Variants in ULK4 observed in about 807,000 individuals in gnomAD.
The protein encoded by ULK4 is unc-51 like kinase 4, also known as inactive serine/threonine-protein kinase ULK4.
Under a neutral mutation model 160.6 loss-of-function variants are expected in ULK4, and 133 were observed. That is an observed-to-expected ratio of 0.83 (90% CI 0.72 to 0.96). The LOEUF (loss-of-function observed/expected upper bound fraction) is 0.96. Ranked by LOEUF, ULK4 falls within the 40% of genes least tolerant of loss-of-function variation. ULK4 has a pLI of 0.00. For missense variants in ULK4, 1,580 were observed against 1,499.5 expected, an observed-to-expected ratio of 1.05 and a Z score of -0.89; for synonymous variants, 534 against 539.8, an observed-to-expected ratio of 0.99 and a Z score of 0.15.
intron 1 of ULK4, among the ~76,000 whole-genome samples, chr3:41,960,035 A>C (rs1385867106): frequency 9.5e-6 from 1 of 105,492 alleles, no homozygotes; most frequent in Non-Finnish European, 2.1e-5. Context: ...AAAATTAAGT[A>C]AAATCTTGAT....
chr3:41,249,684 G>C lies in ULK4; in HGVS notation c.3679-110C>G. On this transcript the variant is annotated intron_variant, in intron 35 of 36. Coordinates refer to ENST00000301831, the MANE Select transcript of ULK4 (RefSeq NM_017886.4). ...CCTGCATGGTGCTGTGGCTGCCTAA[G>C]GCACTGGGGGGTGTCCCCTGGGCTT... The C allele has an allele frequency of 2.7e-6, 3 of 1,100,606 alleles. No homozygotes were observed. The South Asian group carries it at 4.6e-5, about 17-fold the overall frequency. 68.2% of individuals were successfully genotyped at this position (1,100,606 alleles called of 1,614,324 possible).
At chr3:41,765,064 C>A (rs1024920750) in intron 21 of ULK4, among the ~76,000 whole-genome samples, 2 of 152,082 alleles carry the variant, frequency 1.3e-5, no homozygotes, top group Non-Finnish European at 2.9e-5. Flanking sequence ...TGGGTATATA[C>A]CCAAAGGATT....
At chr3:41,815,001 C>T (rs1285573589) in intron 19 of ULK4, among the ~76,000 whole-genome samples, 1 of 151,342 alleles carries the variant, frequency 6.6e-6, no homozygotes, top group Admixed American at 6.6e-5. Flanking sequence ...CTCTGCCTCC[C>T]AGGTTCAAGC....
intron 22 of ULK4, among the ~76,000 whole-genome samples, chr3:41,737,617 C>G (rs1250503901): frequency 6.6e-6 from 1 of 151,896 alleles, no homozygotes; most frequent in African/African-American, 2.4e-5. Flanking sequence ...CCATTTTTAT[C>G]TGTTTAATGC....
intron 21 of ULK4, among the ~76,000 whole-genome samples, chr3:41,755,143 G>A (rs1245384057): frequency 7.9e-5 from 12 of 152,062 alleles, no homozygotes; most frequent in African/African-American, 2.4e-4. Flanking sequence ...CATGGTTAAC[G>A]AATGTAAGTA....
intron 21 of ULK4, among the ~76,000 whole-genome samples, chr3:41,784,366 G>A (rs1006415856): frequency 9.9e-5 from 15 of 152,032 alleles, no homozygotes; most frequent in Admixed American, 1.3e-4. Flanking sequence ...CCCAGGAGGC[G>A]GAGGTTGCGG....
chr3:41,449,736 A>G (rs1325795389), intron 34 of ULK4, among the ~76,000 whole-genome samples: 1 of 151,984 alleles, frequency 6.6e-6, no homozygotes, highest in African/African-American at 2.4e-5. Context: ...AAAATGGAAA[A>G]CAGAAATGAA....
At chr3:41,945,167 C>T (rs921675961) in intron 2 of ULK4, among the ~76,000 whole-genome samples, 1 of 152,230 alleles carries the variant, frequency 6.6e-6, no homozygotes, top group Non-Finnish European at 1.5e-5. Flanking sequence ...TCACAGCTAT[C>T]ACAGCTGTCA....
At chr3:41,491,241 C>G (rs2084750291) in intron 32 of ULK4, among the ~76,000 whole-genome samples, 1 of 152,004 alleles carries the variant, frequency 6.6e-6, no homozygotes, top group South Asian at 2.1e-4. Context: ...TCTATTAATT[C>G]AAAGTAATTG....
At chr3:41,873,537 TTGTTTGTTTTG>T (rs1233907064) in intron 17 of ULK4, among the ~76,000 whole-genome samples, 3 of 152,116 alleles carry the variant, frequency 2.0e-5, no homozygotes, top group Non-Finnish European at 4.4e-5. Flanking sequence ...ATTTTTAGGT[TTGTTTGTTTTG>T]TGTTTGTTTT....
intron 32 of ULK4, among the ~76,000 whole-genome samples, chr3:41,497,754 T>C (rs894367452): frequency 6.6e-6 from 1 of 152,134 alleles, no homozygotes; most frequent in East Asian, 1.9e-4. Context: ...CAGTAATACA[T>C]GCCTGTAGTC....
chr3:41,849,641 A>C (rs912382598), intron 17 of ULK4, among the ~76,000 whole-genome samples: 3 of 152,216 alleles, frequency 2.0e-5, no homozygotes, highest in African/African-American at 7.2e-5. Context: ...TGTAAACTAC[A>C]GACTTTGGGT....
Position 41,682,973 on chromosome 3 carries a change from C to G in ULK4, c.2782-1169G>C, listed in dbSNP as rs142503881. The stretch of plus-strand genomic sequence containing the variant: ...GAAATTTAAAAACGAATAAACATGG[C>G]CAAAAAAGCAAGCTTGTCAGAAGAT... On this transcript the variant is annotated intron_variant, in intron 27 of 36. Coordinates refer to ENST00000301831, the MANE Select transcript of ULK4 (RefSeq NM_017886.4). Among the ~76,000 whole-genome samples the G allele has an allele frequency of 3.0e-3, 452 of 152,080 alleles. 3 individuals carry two copies. The highest frequency in any genetic ancestry group is 0.01 in the African/African-American group (431 of 41,476).
chr3:41,957,064 T>A (rs150194323), intron 1 of ULK4, among the ~76,000 whole-genome samples: 117 of 152,376 alleles, frequency 7.7e-4, no homozygotes, highest in Admixed American at 2.0e-3. Flanking sequence ...GGACTTGATG[T>A]AAACTCTTAT....
chr3:41,533,011 C>G (rs1177091481), intron 32 of ULK4, among the ~76,000 whole-genome samples: 1 of 152,210 alleles, frequency 6.6e-6, no homozygotes, highest in Non-Finnish European at 1.5e-5. Flanking sequence ...AGAGGCCTTG[C>G]AGCTTCCACT....
At chr3:41,923,028 G>T (rs1295466155) in intron 5 of ULK4, among the ~76,000 whole-genome samples, 1 of 150,298 alleles carries the variant, frequency 6.7e-6, no homozygotes, top group Non-Finnish European at 1.5e-5. Flanking sequence ...AAAAAAATTA[G>T]TCAGGCATGG....
At chr3:41,642,541 A>G (rs2034264549) in intron 30 of ULK4, among the ~76,000 whole-genome samples, 1 of 152,176 alleles carries the variant, frequency 6.6e-6, no homozygotes, top group Middle Eastern at 3.2e-3. Flanking sequence ...ATGGCTGCAC[A>G]GTATTCCATG....
At chr3:41,478,909 C>T (rs2084224830) in intron 32 of ULK4, among the ~76,000 whole-genome samples, 1 of 152,240 alleles carries the variant, frequency 6.6e-6, no homozygotes, top group East Asian at 1.9e-4. Context: ...CATAAACTTA[C>T]TTTCCAATTA....
rs572766228 is a variant in ULK4, at chr3:41,784,295, G to A, written c.2193+5366C>T. ...ACTAAAAACACAAAATTAGCCAGGC[G>A]TGGTGACACATGCCTGTAATCCCAG... On this transcript the variant is annotated intron_variant, in intron 21 of 36. Coordinates refer to ENST00000301831, the MANE Select transcript of ULK4 (RefSeq NM_017886.4). 5.9e-5 allele frequency among the ~76,000 whole-genome samples: 9 copies of A among 152,060 alleles called. No homozygotes were observed. In the South Asian group the frequency reaches 1.5e-3, roughly 25 times the overall value.
Sources: gnomAD v4.1 joint callset for allele counts (sites outside exome capture counted in the v4.1 genomes callset) on GRCh38, gnomAD v4.1.1 for gene constraint, MANE v1.5 for transcripts, NCBI Gene and HGNC (gene_info 2026-07-23, HGNC 2026-07-21) for gene names.